ZC3H12B: variants seen among roughly 807,000 people sequenced by gnomAD.
ZC3H12B encodes the protein probable ribonuclease ZC3H12B.
ZC3H12B carries 7 observed loss-of-function variants against 43.9 expected under a neutral mutation model. The ratio of observed to expected loss-of-function variants is 0.16; its 90% CI spans 0.09 to 0.30. ZC3H12B has a LOEUF of 0.30. Among genes scored for constraint, ZC3H12B ranks in the 10% least tolerant of loss-of-function variants. The pLI is 1.00. For missense variants in ZC3H12B, 475 were observed against 670.2 expected (o/e 0.71, Z 3.22); for synonymous variants, 222 against 241.7 (o/e 0.92, Z 0.76).
chrX:65,081,514 A>G, the ZC3H12B span, among the ~76,000 whole-genome samples: 38 of 112,187 alleles, frequency 3.4e-4, 1 homozygote, highest in South Asian at 9.1e-3. Flanking sequence ...AGATTTCAAG[A>G]TAAAAACTGT....
the ZC3H12B span, among the ~76,000 whole-genome samples, chrX:65,324,915 G>A: frequency 9.1e-6 from 1 of 110,399 alleles, no homozygotes; most frequent in African/African-American, 3.3e-5. Context: ...TACTCTTATT[G>A]TATTGCAATC....
the ZC3H12B span, among the ~76,000 whole-genome samples, chrX:65,184,374 C>A: frequency 1.8e-5 from 2 of 111,059 alleles, no homozygotes; most frequent in African/African-American, 6.5e-5. Flanking sequence ...CTCATTTGAT[C>A]TTTAGAGCAA....
At chrX:65,433,676 G>T (rs989683507) in intron 3 of ZC3H12B, among the ~76,000 whole-genome samples, 1 of 112,108 alleles carries the variant, frequency 8.9e-6, no homozygotes, top group Non-Finnish European at 1.9e-5. Flanking sequence ...TCGCTGGAAA[G>T]TCTGATTATT....
chrX:65,482,890 T>C (rs746706000), intron 3 of ZC3H12B, among the ~76,000 whole-genome samples: 1 of 111,673 alleles, frequency 9.0e-6, no homozygotes, highest in Admixed American at 9.5e-5. Flanking sequence ...CTGAAAAAAA[T>C]GAATGAGTAA....
At chrX:65,207,277 C>A in the ZC3H12B span, among the ~76,000 whole-genome samples, 1 of 107,531 alleles carries the variant, frequency 9.3e-6, no homozygotes, top group Non-Finnish European at 1.9e-5. Context: ...CACACACATA[C>A]ACACACCGTG....
At chrX:65,314,109 T>A in the ZC3H12B span, among the ~76,000 whole-genome samples, 5 of 110,986 alleles carry the variant, frequency 4.5e-5, no homozygotes, top group East Asian at 2.8e-4. Flanking sequence ...GCAGTAGAAC[T>A]AATGCATTCA....
the ZC3H12B span, among the ~76,000 whole-genome samples, chrX:65,187,686 G>A: frequency 1.7e-4 from 17 of 101,958 alleles, no homozygotes; most frequent in Admixed American, 6.6e-4. Context: ...TTTCTGGTAC[G>A]TAGTAGGTAT....
the ZC3H12B span, among the ~76,000 whole-genome samples, chrX:65,269,358 A>G: frequency 9.2e-6 from 1 of 108,824 alleles, no homozygotes; most frequent in African/African-American, 3.4e-5. Context: ...ACAAAAACAA[A>G]ACAAAACAAA....
chrX:65,318,360 TTTCTTCC>T, the ZC3H12B span, among the ~76,000 whole-genome samples: 5 of 109,627 alleles, frequency 4.6e-5, no homozygotes, highest in African/African-American at 1.3e-4. Flanking sequence ...TTCTTCCTTC[TTTCTTCC>T]TTCTTCCTTC....
chrX:65,201,690 T>C, the ZC3H12B span, among the ~76,000 whole-genome samples: 1 of 104,073 alleles, frequency 9.6e-6, no homozygotes, highest in Non-Finnish European at 2.0e-5. Context: ...CCAGGATTGG[T>C]CCCTGGTGCC....
chrX:65,384,650 A>G (rs2066496297), intron 2 of ZC3H12B, among the ~76,000 whole-genome samples: 1 of 111,586 alleles, frequency 9.0e-6, no homozygotes, highest in Non-Finnish European at 1.9e-5. Flanking sequence ...GAATGTTACT[A>G]ATTATTCAGT....
the ZC3H12B span, among the ~76,000 whole-genome samples, chrX:65,176,897 G>A: frequency 6.3e-5 from 7 of 111,770 alleles, no homozygotes; most frequent in Non-Finnish European, 1.1e-4. Context: ...CCAAACAACA[G>A]AAAAGGAGGG....
chrX:65,107,325 G>A, the ZC3H12B span, among the ~76,000 whole-genome samples: 1 of 110,957 alleles, frequency 9.0e-6, no homozygotes, highest in African/African-American at 3.3e-5. Flanking sequence ...AGTAGATTTT[G>A]GTCATCAGTT....
the ZC3H12B span, among the ~76,000 whole-genome samples, chrX:65,145,688 A>G: frequency 0.083 from 9,247 of 111,201 alleles, 1,025 homozygotes; most frequent in African/African-American, 0.29. Flanking sequence ...GTAGTGCTGA[A>G]TTCTCTTAGC....
At chrX:65,121,648 C>T in the ZC3H12B span, among the ~76,000 whole-genome samples, 3 of 110,781 alleles carry the variant, frequency 2.7e-5, no homozygotes, top group African/African-American at 6.6e-5. Context: ...TCTCTATTTC[C>T]TTCATTTCTG....
At chrX:65,240,340 ATTTTC>A in the ZC3H12B span, among the ~76,000 whole-genome samples, 1 of 110,618 alleles carries the variant, frequency 9.0e-6, no homozygotes, top group Non-Finnish European at 1.9e-5. Context: ...CTCTGAGATT[ATTTTC>A]TTTGCTTGGT....
the ZC3H12B span, among the ~76,000 whole-genome samples, chrX:65,326,581 C>A: frequency 9.2e-6 from 1 of 108,942 alleles, no homozygotes; most frequent in African/African-American, 3.4e-5. Flanking sequence ...AAAAAAAGAC[C>A]TAGTGTTAGA....
the ZC3H12B span, among the ~76,000 whole-genome samples, chrX:65,155,123 C>T: frequency 9.1e-6 from 1 of 110,034 alleles, no homozygotes; most frequent in African/African-American, 3.3e-5. Flanking sequence ...AACCTGGCCA[C>T]TTTTTTGTAT....
the ZC3H12B span, among the ~76,000 whole-genome samples, chrX:65,097,616 C>T: frequency 8.9e-6 from 1 of 111,889 alleles, no homozygotes; most frequent in East Asian, 2.8e-4. Context: ...TTACTCTCTC[C>T]TCATATATCA....
Sources: gnomAD v4.1 joint callset for allele counts (sites outside exome capture counted in the v4.1 genomes callset) on GRCh38, gnomAD v4.1.1 for gene constraint, MANE v1.5 for transcripts, NCBI Gene and HGNC (gene_info 2026-07-23, HGNC 2026-07-21) for gene names.